The following TBPL2 variants were observed in gnomAD, a reference collection of about 807,000 sequenced individuals.
The protein encoded by TBPL2 is TATA-box binding protein like 2.
In TBPL2, 40 loss-of-function variants were observed where a neutral mutation model predicts 38.2. The ratio of observed to expected loss-of-function variants is 1.05; its 90% CI spans 0.81 to 1.36. The LOEUF (loss-of-function observed/expected upper bound fraction) is 1.36. TBPL2 is among the 40% of genes most tolerant of loss of function. The pLI is 0.00. For missense variants in TBPL2, 461 were observed against 456.7 expected (o/e 1.01, Z -0.09); for synonymous variants, 169 against 171.7 (o/e 0.98, Z 0.12).
intron 6 of TBPL2, among the ~76,000 whole-genome samples, chr14:55,416,291 T>G (rs938646298): frequency 3.3e-5 from 5 of 152,068 alleles, no homozygotes; most frequent in African/African-American, 1.2e-4. Flanking sequence ...CCTTATAAGC[T>G]TAATTTTTTA....
chr14:55,424,925 C>G (rs762771827), intron 5 of TBPL2, among the ~76,000 whole-genome samples: 2 of 152,090 alleles, frequency 1.3e-5, no homozygotes, highest in African/African-American at 4.8e-5. Context: ...GCTTGAGGAA[C>G]CTACCAAAAA....
chr14:55,421,840 C>G lies in TBPL2; in HGVS notation c.1051+2319G>C, dbSNP rs146889156. Among the ~76,000 whole-genome samples, 8 of 152,310 alleles carry G rather than the reference C, an allele frequency of 5.3e-5. No individual in the cohort carries two copies. The East Asian group carries it at 1.5e-3, about 29-fold the overall frequency. ...TACAACTCAGAGTTATAAAAGAACA[C>G]TTAAAACAGACATGTCATTTTGCTG... On this transcript the variant is annotated intron_variant, in intron 6 of 6. Coordinates refer to ENST00000247219, the Ensembl canonical transcript of TBPL2.
chr14:55,424,106 G>T, intron 6 of TBPL2, 53 bp downstream of exon 6: 2 of 1,269,810 alleles, frequency 1.6e-6, no homozygotes, highest in Non-Finnish European at 2.3e-6. Flanking sequence ...AATAAGCAAA[G>T]CACATGCATA....
chr14:55,417,844 C>T (rs1191123331), intron 6 of TBPL2, among the ~76,000 whole-genome samples: 1 of 152,090 alleles, frequency 6.6e-6, no homozygotes, highest in Non-Finnish European at 1.5e-5. Flanking sequence ...ATTGTGTGGC[C>T]TGGTGCACTA....
At position 55,429,915 on chromosome 14, in the gene TBPL2, T is replaced by A. The variant is rs200668194; in HGVS notation, c.789-941A>T. On this transcript the variant is annotated intron_variant, in intron 4 of 6. Coordinates refer to ENST00000247219, the Ensembl canonical transcript of TBPL2. ...TCTTGAGTCTTTATTGGACACACTG[T>A]CCAAAACAACCACATGAAAATACCT... is the stretch of plus-strand genomic sequence containing the variant. 6.6e-5 allele frequency among the ~76,000 whole-genome samples: 10 copies of A among 152,014 alleles called. No homozygotes were observed. The East Asian group carries it at 1.9e-3, about 29-fold the overall frequency.
intron 6 of TBPL2, among the ~76,000 whole-genome samples, chr14:55,416,535 G>A (rs756657340): frequency 2.3e-4 from 35 of 152,216 alleles, no homozygotes; most frequent in Non-Finnish European, 4.0e-4. Context: ...AAAGATTTGC[G>A]GTGGGGAGGA....
intron 5 of TBPL2, among the ~76,000 whole-genome samples, chr14:55,426,458 C>A (rs980818067): frequency 6.6e-6 from 1 of 152,000 alleles, no homozygotes; most frequent in Non-Finnish European, 1.5e-5. Context: ...TAACACAAGG[C>A]AAATTTGGCC....
chr14:55,439,617 C>CCGCCCCCCG lies in TBPL2; in HGVS notation c.150+778_150+779insCGGGGGGCG, dbSNP rs1555344746. On this transcript the variant is annotated intron_variant, in intron 1 of 6. Coordinates refer to ENST00000247219, the Ensembl canonical transcript of TBPL2. ...ACCAGCCTGGGGAGAAAAGCAAACC[C>CCGCCCCCCG]CCCCCCGTCTCTACTAAAAAATACA... Among the ~76,000 whole-genome samples the CCGCCCCCCG allele has an allele frequency of 5.5e-5, 4 of 72,628 alleles. 1 individual carries two copies. Among genetic ancestry groups the CCGCCCCCCG allele is most frequent in the African/African-American group, 1.3e-4 (3 of 22,232 alleles). 47.6% of individuals were successfully genotyped at this position (72,628 alleles called of 152,430 possible). A position where few individuals can be genotyped will look rare whatever the true frequency, so the allele number is the denominator to read the frequency against.
intron 5 of TBPL2, among the ~76,000 whole-genome samples, chr14:55,428,359 G>A (rs917728015): frequency 6.6e-6 from 1 of 151,916 alleles, no homozygotes; most frequent in Non-Finnish European, 1.5e-5. Flanking sequence ...TCGATCTCCT[G>A]ACCTCGTGAT....
chr14:55,419,358 T>C (rs1415207380), intron 6 of TBPL2, among the ~76,000 whole-genome samples: 1 of 152,238 alleles, frequency 6.6e-6, no homozygotes, highest in Non-Finnish European at 1.5e-5. Context: ...GTCATATGAG[T>C]GCCCAATATG....
intron 5 of TBPL2, 36 bp downstream of exon 5, chr14:55,428,771 G>C: frequency 6.3e-7 from 1 of 1,576,428 alleles, no homozygotes; most frequent in Non-Finnish European, 8.6e-7. Flanking sequence ...TAAATATCTT[G>C]GTAAATTCAA....
chr14:55,430,805 C>T (rs1393017667), intron 4 of TBPL2, among the ~76,000 whole-genome samples: 1 of 152,194 alleles, frequency 6.6e-6, no homozygotes, highest in South Asian at 2.1e-4. Context: ...AAGGCCATGT[C>T]CCCAGGTTAG....
chr14:55,420,785 T>C (rs989440287), intron 6 of TBPL2, among the ~76,000 whole-genome samples: 8 of 151,834 alleles, frequency 5.3e-5, no homozygotes, highest in Admixed American at 1.3e-4. Context: ...GGGGGTTGGG[T>C]GCGGTGGCTC....
At chr14:55,429,519 T>C (rs1885888802) in intron 4 of TBPL2, among the ~76,000 whole-genome samples, 1 of 151,974 alleles carries the variant, frequency 6.6e-6, no homozygotes, top group South Asian at 2.1e-4. Context: ...ATCCCAGCAC[T>C]TTGGGAGGCT....
exon 2 of TBPL2, chr14:55,437,007 G>A: frequency 6.2e-7 from 1 of 1,613,846 alleles, no homozygotes; most frequent in Non-Finnish European, 8.5e-7. Flanking sequence ...ACCTGGGTGG[G>A]GCAAGGCCAT....
chr14:55,433,335 C>T (rs1421595579), intron 4 of TBPL2, among the ~76,000 whole-genome samples: 1 of 103,652 alleles, frequency 9.6e-6, no homozygotes, highest in Non-Finnish European at 1.8e-5. Context: ...TTTTTTTTAA[C>T]AGAGATGGAG....
chr14:55,422,056 A>G (rs947482426), intron 6 of TBPL2, among the ~76,000 whole-genome samples: 2 of 152,242 alleles, frequency 1.3e-5, no homozygotes, highest in African/African-American at 2.4e-5. Flanking sequence ...TATTAAAGCT[A>G]CAATAAGATA....
intron 5 of TBPL2, among the ~76,000 whole-genome samples, chr14:55,427,118 G>C (rs777493492): frequency 4.6e-5 from 7 of 152,200 alleles, no homozygotes; most frequent in Non-Finnish European, 1.0e-4. Flanking sequence ...AGCACTGGGA[G>C]ACTCTTAGAA....
At chr14:55,429,549 A>C (rs1885889447) in intron 4 of TBPL2, among the ~76,000 whole-genome samples, 1 of 152,222 alleles carries the variant, frequency 6.6e-6, no homozygotes, top group Non-Finnish European at 1.5e-5. Context: ...AGCTCACCTG[A>C]GGACAGTAGC....
Sources: gnomAD v4.1 joint callset for allele counts (sites outside exome capture counted in the v4.1 genomes callset) on GRCh38, gnomAD v4.1.1 for gene constraint, MANE v1.5 for transcripts, NCBI Gene and HGNC (gene_info 2026-07-23, HGNC 2026-07-21) for gene names.